SYCP1: variants seen among roughly 807,000 people sequenced by gnomAD.
The protein encoded by SYCP1 is cancer/testis antigen 8.
Under a neutral mutation model 153.1 loss-of-function variants are expected in SYCP1, and 64 were observed. The ratio of observed to expected loss-of-function variants is 0.42; its 90% CI spans 0.34 to 0.51. The LOEUF (loss-of-function observed/expected upper bound fraction) is 0.51, where lower values mean the gene tolerates loss of function less well. Among genes scored for constraint, SYCP1 ranks in the 20% least tolerant of loss-of-function variants. SYCP1 has a pLI of 0.06. For missense variants in SYCP1, 997 were observed against 1,049.0 expected (o/e 0.95, Z 0.68); for synonymous variants, 384 against 341.8 (o/e 1.12, Z -1.36).
At chr1:114,880,514 A>G (rs374087021) in intron 12 of SYCP1, among the ~76,000 whole-genome samples, 1 of 152,172 alleles carries the variant, frequency 6.6e-6, no homozygotes, top group East Asian at 1.9e-4. Flanking sequence ...TGGGCTGATT[A>G]TCTGATTCCA....
chr1:114,917,272 T>C lies in SYCP1; in HGVS notation c.1718+3227T>C, dbSNP rs147878052. Among the ~76,000 whole-genome samples, 700 of 152,288 alleles carry C rather than the reference T, an allele frequency of 4.6e-3. 4 individuals are homozygous for C. The highest frequency in any genetic ancestry group is 7.2e-3 in the Non-Finnish European group (491 of 68,016). On this transcript the variant is annotated intron_variant, in intron 20 of 31. Coordinates refer to ENST00000369522, the MANE Select transcript of SYCP1 (RefSeq NM_003176.4). The stretch of plus-strand genomic sequence containing the variant: ...TCTGTCTGTACCTGTCTTATTGCAG[T>C]TAACTTAATGACCTCCAGTTCCATC...
chr1:114,911,408 A>G (rs2101672743), intron 17 of SYCP1, 71 bp from the exon 18 acceptor site: 1 of 1,223,766 alleles, frequency 8.2e-7, no homozygotes. Flanking sequence ...ACTTAATTAC[A>G]CAGTGACTAT....
intron 20 of SYCP1, among the ~76,000 whole-genome samples, chr1:114,923,071 G>A (rs1259107643): frequency 6.6e-6 from 1 of 152,180 alleles, no homozygotes; most frequent in African/African-American, 2.4e-5. Context: ...GCCTTGGGCA[G>A]CTCTGCCCCT....
At chr1:114,921,977 G>C (rs1668920246) in intron 20 of SYCP1, among the ~76,000 whole-genome samples, 1 of 152,108 alleles carries the variant, frequency 6.6e-6, no homozygotes, top group Non-Finnish European at 1.5e-5. Flanking sequence ...CTCTGGGCCT[G>C]TAAGGTTTCC....
In SYCP1 at chr1:114,984,799, T is replaced by TA. The variant is rs776683356; in HGVS notation, c.2642dup (p.Arg882GlufsTer6). ...ACTTGAATATACCCATTGAAGAAAG[T>TA]AAAAAAAAGAGAAAAATGGCCTTTG... On this transcript the variant is annotated frameshift_variant, in exon 30 of 32. Coordinates refer to ENST00000369522, the MANE Select transcript of SYCP1 (RefSeq NM_003176.4). LOFTEE classifies it high-confidence loss of function. The TA allele has an allele frequency of 5.4e-5, 82 of 1,509,228 alleles. No homozygotes were observed. The highest frequency in any genetic ancestry group is 2.1e-4 in the South Asian group (15 of 72,060). The allele number at this position is 1,509,228 out of a possible 1,614,324, so 93.5% of individuals were successfully genotyped here. A position where few individuals can be genotyped will look rare whatever the true frequency, so the allele number is the denominator to read the frequency against.
chr1:114,919,570 A>G (rs956926273), intron 20 of SYCP1, among the ~76,000 whole-genome samples: 8 of 152,148 alleles, frequency 5.3e-5, no homozygotes, highest in Non-Finnish European at 5.9e-5. Flanking sequence ...TAGTTTCTGT[A>G]GGATTGATAT....
intron 22 of SYCP1, 67 bp from the exon 23 acceptor site, chr1:114,926,434 C>T (rs1023650112): frequency 6.7e-7 from 1 of 1,486,518 alleles, no homozygotes. Flanking sequence ...TAATTTAAGT[C>T]TAAGTCAGTA....
At chr1:114,921,515 C>T (rs1275538208) in intron 20 of SYCP1, among the ~76,000 whole-genome samples, 1 of 151,792 alleles carries the variant, frequency 6.6e-6, no homozygotes, top group Non-Finnish European at 1.5e-5. Context: ...CCTGTCTCTA[C>T]TAAAAATAGA....
At chr1:114,963,222 C>T (rs1294302298) in intron 27 of SYCP1, among the ~76,000 whole-genome samples, 1 of 152,080 alleles carries the variant, frequency 6.6e-6, no homozygotes, top group African/African-American at 2.4e-5. Context: ...AGATCTCTAG[C>T]AAGGTCAGGG....
intron 27 of SYCP1, among the ~76,000 whole-genome samples, chr1:114,950,843 A>T (rs996447660): frequency 1.3e-5 from 2 of 148,190 alleles, no homozygotes; most frequent in African/African-American, 5.0e-5. Flanking sequence ...TTTGAGACAG[A>T]GTCTCACGTC....
chr1:114,876,850 C>A, intron 11 of SYCP1, 40 bp downstream of exon 11: 1 of 1,158,996 alleles, frequency 8.6e-7, no homozygotes, highest in Non-Finnish European at 1.1e-6. Context: ...TTTATATTTG[C>A]TAATTCATTA....
chr1:114,992,141 G>C (rs984508238), intron 30 of SYCP1, among the ~76,000 whole-genome samples: 2 of 151,710 alleles, frequency 1.3e-5, no homozygotes, highest in Non-Finnish European at 2.9e-5. Flanking sequence ...ACACTGGTGA[G>C]AGAAATTTTG....
intron 23 of SYCP1, 63 bp from the exon 24 acceptor site, chr1:114,944,276 T>C (rs1670553251): frequency 5.4e-6 from 5 of 918,298 alleles, no homozygotes; most frequent in East Asian, 5.4e-5. Flanking sequence ...AAAATGAATA[T>C]GGAATGTTTT....
chr1:114,871,547 C>T lies in SYCP1; in HGVS notation c.599-2959C>T, dbSNP rs139614114. Among the ~76,000 whole-genome samples, 4 of 152,022 alleles carry T rather than the reference C, an allele frequency of 2.6e-5. No homozygotes were observed. In the East Asian group the frequency reaches 5.8e-4, roughly 22 times the overall value. ...ATAAATAAGCATTTATAATCTAATA[C>T]ATTGTTGCTATTTTTTTGTTTGTTT... On this transcript the variant is annotated intron_variant, in intron 8 of 31. Coordinates refer to ENST00000369522, the MANE Select transcript of SYCP1 (RefSeq NM_003176.4).
At chr1:114,894,687 A>G (rs1046816333) in intron 15 of SYCP1, among the ~76,000 whole-genome samples, 1 of 152,156 alleles carries the variant, frequency 6.6e-6, no homozygotes, top group Admixed American at 6.5e-5. Context: ...CAAAGAGGAA[A>G]AAATGGGGAG....
intron 27 of SYCP1, among the ~76,000 whole-genome samples, chr1:114,950,226 C>A (rs943628978): frequency 1.3e-5 from 2 of 152,224 alleles, no homozygotes; most frequent in Non-Finnish European, 2.9e-5. Flanking sequence ...TTGAGACTGA[C>A]GTAGAAGTTG....
intron 10 of SYCP1, 76 bp downstream of exon 10, chr1:114,876,214 T>G: frequency 1.0e-6 from 1 of 978,930 alleles, no homozygotes; most frequent in Non-Finnish European, 1.5e-6. Flanking sequence ...CGTTAATGTC[T>G]TCATCTCTTT....
chr1:114,970,078 C>T (rs1672381831), intron 27 of SYCP1, among the ~76,000 whole-genome samples: 1 of 152,204 alleles, frequency 6.6e-6, no homozygotes, highest in Non-Finnish European at 1.5e-5. Flanking sequence ...CAGACCAGAT[C>T]TGTTCTATTT....
intron 20 of SYCP1, among the ~76,000 whole-genome samples, chr1:114,919,746 G>A (rs1161835601): frequency 1.3e-5 from 2 of 151,932 alleles, no homozygotes; most frequent in Admixed American, 1.3e-4. Flanking sequence ...ATGTGTCTAG[G>A]TATTTATCCA....
Sources: gnomAD v4.1 joint callset for allele counts (sites outside exome capture counted in the v4.1 genomes callset) on GRCh38, gnomAD v4.1.1 for gene constraint, MANE v1.5 for transcripts, NCBI Gene and HGNC (gene_info 2026-07-23, HGNC 2026-07-21) for gene names.